Variants in PTPRQ observed in about 807,000 individuals in gnomAD.
PTPRQ encodes phosphatidylinositol phosphatase PTPRQ.
A neutral mutation model predicts 246.0 loss-of-function variants in PTPRQ; 199 were observed. That is an observed-to-expected ratio of 0.81 (90% CI 0.72 to 0.91). The LOEUF (loss-of-function observed/expected upper bound fraction) is 0.91. PTPRQ is among the 40% of genes least tolerant of loss of function. The probability of loss-of-function intolerance (pLI) is 0.00; values close to 1 mark genes in which losing one functional copy is unlikely to be tolerated. For missense variants in PTPRQ, 2,624 were observed against 2,528.4 expected (o/e 1.04, Z -0.81); for synonymous variants, 869 against 853.2 (o/e 1.02, Z -0.32).
At chr12:80,631,052 T>C (rs1899413054) in intron 33 of PTPRQ, among the ~76,000 whole-genome samples, 1 of 152,166 alleles carries the variant, frequency 6.6e-6, no homozygotes, top group South Asian at 2.1e-4. Context: ...CCTTTAACAT[T>C]TATGCAGCAA....
chr12:80,519,017 T>C (rs1255497226), intron 17 of PTPRQ, among the ~76,000 whole-genome samples: 1 of 152,134 alleles, frequency 6.6e-6, no homozygotes, highest in Admixed American at 6.6e-5. Context: ...GAAGAATGTC[T>C]TTGATATTTT....
At chr12:80,521,518 C>G (rs1168671809) in intron 17 of PTPRQ, among the ~76,000 whole-genome samples, 4 of 152,132 alleles carry the variant, frequency 2.6e-5, no homozygotes, top group Non-Finnish European at 5.9e-5. Flanking sequence ...AGTCTTTAAT[C>G]CATCTTGAAT....
chr12:80,453,142 T>C (rs1892832021), intron 3 of PTPRQ, among the ~76,000 whole-genome samples: 1 of 152,202 alleles, frequency 6.6e-6, no homozygotes, highest in South Asian at 2.1e-4. Flanking sequence ...ATACCCTTTC[T>C]TCCAGTTGAT....
rs1210657191 is a variant in PTPRQ at position 80,546,450 on chromosome 12, T to C, written c.3874-106T>C. On this transcript the variant is annotated intron_variant, in intron 23 of 44. Coordinates refer to ENST00000644991, the MANE Select transcript of PTPRQ (RefSeq NM_001145026.2). ...TTATAATTTAAAATATCCATGCTTA[T>C]TAAACTATAGGTTAAATATAAAAGG... The C allele has an allele frequency of 4.5e-6, 5 of 1,113,560 alleles. No individual in the cohort carries two copies. In the Admixed American group the frequency reaches 1.2e-4, roughly 26 times the overall value. 69.0% of individuals were successfully genotyped at this position (1,113,560 alleles called of 1,614,324 possible). A position where few individuals can be genotyped will look rare whatever the true frequency, so the allele number is the denominator to read the frequency against.
intron 8 of PTPRQ, among the ~76,000 whole-genome samples, chr12:80,478,312 T>A (rs942025020): frequency 7.9e-5 from 12 of 151,936 alleles, no homozygotes; most frequent in African/African-American, 2.9e-4. Context: ...GACCTGCAGC[T>A]GAGGGTCCTG....
intron 8 of PTPRQ, among the ~76,000 whole-genome samples, chr12:80,481,039 T>C (rs959881614): frequency 3.0e-4 from 45 of 152,128 alleles, no homozygotes; most frequent in Admixed American, 1.5e-3. Flanking sequence ...CCAGCATCAT[T>C]CTGATACCAA....
intron 39 of PTPRQ, among the ~76,000 whole-genome samples, chr12:80,666,605 G>T (rs758968425): frequency 2.6e-5 from 4 of 151,922 alleles, no homozygotes; most frequent in Non-Finnish European, 4.4e-5. Context: ...GGAGATGGAT[G>T]TGCTCATTAC....
intron 32 of PTPRQ, among the ~76,000 whole-genome samples, chr12:80,620,594 A>G (rs1898944645): frequency 6.6e-6 from 1 of 151,844 alleles, no homozygotes; most frequent in South Asian, 2.1e-4. Flanking sequence ...CAACCCTAAG[A>G]GTAATTATGA....
At chr12:80,488,131 A>G (rs1435172153) in intron 9 of PTPRQ, among the ~76,000 whole-genome samples, 3 of 149,072 alleles carry the variant, frequency 2.0e-5, no homozygotes, top group Non-Finnish European at 4.5e-5. Flanking sequence ...CTTTTTCAAC[A>G]TGGCCATTTA....
At chr12:80,631,367 A>T (rs541612128) in intron 33 of PTPRQ, among the ~76,000 whole-genome samples, 8 of 151,828 alleles carry the variant, frequency 5.3e-5, no homozygotes, top group South Asian at 4.2e-4. Flanking sequence ...ATAAAAGTTT[A>T]AAAAAAAATC....
chr12:80,676,812 A>T (rs1393479084), intron 43 of PTPRQ, among the ~76,000 whole-genome samples: 1 of 152,220 alleles, frequency 6.6e-6, no homozygotes, highest in African/African-American at 2.4e-5. Flanking sequence ...AAAGAAAAAA[A>T]GTCAACATAT....
intron 26 of PTPRQ, among the ~76,000 whole-genome samples, chr12:80,595,002 C>T (rs1345038330): frequency 6.6e-6 from 1 of 152,152 alleles, no homozygotes; most frequent in Non-Finnish European, 1.5e-5. Flanking sequence ...TACAAGGTCA[C>T]TTATGATTTG....
chr12:80,546,669 T>C lies in PTPRQ; in HGVS notation c.3987T>C (p.Asn1329=), dbSNP rs367789096. ...TTGGAAATGGCAATCAATTTAGTAA[T>C]GTAGTAAAATTCACAACCCAAGAAT... ...TKVGNGNQFS[N]VVKFTTQESV... The change falls in exon 24 of 45, where the codon AAT becomes AAC. Residue 1329 remains asparagine (N), a synonymous_variant. Coordinates refer to ENST00000644991, the MANE Select transcript of PTPRQ (RefSeq NM_001145026.2). The C allele has an allele frequency of 8.4e-6, 13 of 1,551,252 alleles. No individual in the cohort carries two copies. In the African/African-American group the frequency reaches 1.6e-4, roughly 20 times the overall value.
rs1898895641 is a variant in PTPRQ at position 80,619,518 on chromosome 12, CAAGTGCTT to C, written c.5366_5373del (p.Gln1789ArgfsTer9). 1 of 1,537,704 alleles carries C rather than the reference CAAGTGCTT, an allele frequency of 6.5e-7. No individual in the cohort carries two copies. Among genetic ancestry groups the C allele is most frequent in the South Asian group, 1.2e-5 (1 of 81,846 alleles). ...TGATCATGGACCAATAAAAAATGTA[CAAGTGCTT>C]GTGACAGAAACAGGAGGTATCATCA... On this transcript the variant is annotated frameshift_variant, in exon 31 of 45. Coordinates refer to ENST00000644991, the MANE Select transcript of PTPRQ (RefSeq NM_001145026.2). LOFTEE classifies it high-confidence loss of function.
At chr12:80,463,165 T>A (rs529463825) in intron 6 of PTPRQ, among the ~76,000 whole-genome samples, 1 of 152,242 alleles carries the variant, frequency 6.6e-6, no homozygotes, top group Admixed American at 6.5e-5. Flanking sequence ...TACAGAGAAG[T>A]GCTTAAAGGA....
chr12:80,578,996 A>G (rs1041290757), intron 25 of PTPRQ, among the ~76,000 whole-genome samples: 4 of 152,098 alleles, frequency 2.6e-5, no homozygotes, highest in African/African-American at 9.6e-5. Context: ...GGTTCATTCC[A>G]TTTGTTTTAC....
chr12:80,539,760 T>C lies in PTPRQ; in HGVS notation c.2986-16T>C, dbSNP rs567349026. 9.2e-6 allele frequency: 14 copies of C among 1,516,886 alleles called. No individual in the cohort carries two copies. The African/African-American group carries it at 1.8e-4, about 20-fold the overall frequency. The allele number at this position is 1,516,886 out of a possible 1,614,324, so 94.0% of individuals were successfully genotyped here. On this transcript the variant is annotated splice_polypyrimidine_tract_variant and intron_variant, in intron 19 of 44. Transcript: ENST00000644991. ...AAAAAAATACATTCTGAACAATGAA[T>C]GTGTTTATTTTTCAGAATTTTACAC...
chr12:80,449,212 T>C (rs1892660252), intron 3 of PTPRQ, among the ~76,000 whole-genome samples: 2 of 151,532 alleles, frequency 1.3e-5, no homozygotes, highest in Non-Finnish European at 1.5e-5. Flanking sequence ...ACCCACTTTT[T>C]GATGGGGTTG....
Position 80,493,542 on chromosome 12 carries a change from C to CAT in PTPRQ, c.1540+90_1540+91dup, listed in dbSNP as rs1246053690. On this transcript the variant is annotated intron_variant, in intron 10 of 44. Coordinates refer to ENST00000644991, the MANE Select transcript of PTPRQ (RefSeq NM_001145026.2). Reference sequence around the variant, plus strand: ...AATGAACCTAAGCTTAGAGTTCAGCCATATTATTAATGGTCTTTGGGCTGG... The same window carrying CAT: ...AATGAACCTAAGCTTAGAGTTCAGCCATATATTATTAATGGTCTTTGGGCTGG... The CAT allele has an allele frequency of 4.9e-6, 7 of 1,415,778 alleles. No homozygotes were observed. In the South Asian group the frequency reaches 1.2e-4, roughly 23 times the overall value. 87.7% of individuals were successfully genotyped at this position (1,415,778 alleles called of 1,614,324 possible).
Sources: gnomAD v4.1 joint callset for allele counts (sites outside exome capture counted in the v4.1 genomes callset) on GRCh38, gnomAD v4.1.1 for gene constraint, MANE v1.5 for transcripts, NCBI Gene and HGNC (gene_info 2026-07-23, HGNC 2026-07-21) for gene names.